Variants in SLC23A1 observed in about 807,000 individuals in gnomAD.
SLC23A1 encodes the protein solute carrier family 23 member 1.
In SLC23A1, 31 loss-of-function variants were observed where a neutral mutation model predicts 62.5. The ratio of observed to expected loss-of-function variants is 0.50; its 90% CI spans 0.37 to 0.67. SLC23A1 has a LOEUF of 0.67. Among genes scored for constraint, SLC23A1 ranks in the 30% least tolerant of loss-of-function variants. The pLI, the probability that SLC23A1 is intolerant of heterozygous loss-of-function variation, is 0.00. For synonymous variants in SLC23A1, 271 were observed against 313.2 expected (o/e 0.87, Z 1.42); for missense variants, 640 against 782.7 (o/e 0.82, Z 2.18).
chr5:139,370,742 AAGAGT>A (rs1757613337), intron 14 of SLC23A1, among the ~76,000 whole-genome samples: 3 of 151,792 alleles, frequency 2.0e-5, no homozygotes, highest in Non-Finnish European at 4.4e-5. Flanking sequence ...GATCGCCCTT[AAGAGT>A]AAAGATTCTT....
chr5:139,383,092 G>T, intron 1 of SLC23A1, 126 bp downstream of exon 1: 1 of 640,238 alleles, frequency 1.6e-6, no homozygotes. Flanking sequence ...CATTCAATTT[G>T]GGACAGTCAC....
At chr5:139,380,916 G>T in intron 3 of SLC23A1, 30 bp from the exon 4 acceptor site, 1 of 800,774 alleles carries the variant, frequency 1.2e-6, no homozygotes, top group Admixed American at 2.3e-5. Flanking sequence ...CAACAGGGGT[G>T]GGGAGGGGCG....
At chr5:139,376,311 A>G (rs1271457283) in intron 13 of SLC23A1, among the ~76,000 whole-genome samples, 1 of 151,782 alleles carries the variant, frequency 6.6e-6, no homozygotes, top group African/African-American at 2.4e-5. Context: ...CTGGGATTAC[A>G]GGCACACACC....
At chr5:139,368,809 C>A in intron 14 of SLC23A1, 1 of 1,596,618 alleles carries the variant, frequency 6.3e-7, no homozygotes, top group Non-Finnish European at 8.6e-7. Flanking sequence ...GTAGACGGGG[C>A]CCTCTTTTGG....
At position 139,378,952 on chromosome 5, in the gene SLC23A1, G is replaced by T. The variant is rs552246457; in HGVS notation, c.1073+255C>A. Among the ~76,000 whole-genome samples, 2 of 152,314 alleles carry T rather than the reference G, an allele frequency of 1.3e-5. No individual in the cohort carries two copies. Among genetic ancestry groups the T allele is most frequent in the African/African-American group, 4.8e-5 (2 of 41,562 alleles). On this transcript the variant is annotated intron_variant, in intron 9 of 14. Transcript: ENST00000348729. The surrounding 1 kb of genome is among the most constrained non-coding windows in gnomAD (Gnocchi z 4.5). ...AATGCTTCAAAGATTGCATAAGAAT[G>T]CACAGTCAGAGCCGGGCACATGGAG...
upstream of SLC23A1, chr5:139,384,404 G>C: frequency 3.9e-6 from 5 of 1,289,698 alleles, no homozygotes; most frequent in Non-Finnish European, 5.1e-6. Flanking sequence ...AAGGGCCAAG[G>C]GGCAGCACCG....
intron 12 of SLC23A1, among the ~76,000 whole-genome samples, chr5:139,377,736 G>T (rs572695303): frequency 1.3e-5 from 2 of 152,346 alleles, no homozygotes; most frequent in African/African-American, 4.8e-5. Flanking sequence ...ATGGAGAAAT[G>T]ATAAATGTAG....
At chr5:139,369,692 A>T (rs944862160) in intron 14 of SLC23A1, 2 of 152,630 alleles carry the variant, frequency 1.3e-5, no homozygotes, top group Non-Finnish European at 2.9e-5. Flanking sequence ...AAAAATATTT[A>T]AAAAAATAAA....
intron 1 of SLC23A1, 24 bp downstream of exon 1, chr5:139,383,194 G>GC (rs1188479764): frequency 1.0e-5 from 1 of 96,530 alleles, no homozygotes; most frequent in Non-Finnish European, 1.8e-5. Context: ...GCCCCCCCTA[G>GC]CCCCCACCCC....
At chr5:139,380,536 G>T (rs1758198817) in intron 5 of SLC23A1, 29 bp downstream of exon 5, 1 of 1,610,722 alleles carries the variant, frequency 6.2e-7, no homozygotes, top group African/African-American at 1.3e-5. Context: ...TCAGGACCCG[G>T]CCTCTTCTAT....
At chr5:139,384,424 T>A, upstream of SLC23A1, 1 of 1,289,790 alleles carries the variant, frequency 7.8e-7, no homozygotes. Flanking sequence ...GCTCTCCAGC[T>A]GGGCAGCAGC....
chr5:139,379,972 A>G lies in SLC23A1; in HGVS notation c.752T>C (p.Ile251Thr). 1 of 1,614,034 alleles carries G rather than the reference A, an allele frequency of 6.2e-7. No homozygotes were observed. Among genetic ancestry groups the G allele is most frequent in the Non-Finnish European group, 8.5e-7 (1 of 1,180,002 alleles). ...GKGLTLLRIQ[I>T]FKMFPIMLAI... Reference sequence around the variant, plus strand: ...GGTCCTCACAGGAAACATTTTGAAGATCTGGATGCGGAGGAGAGTGAGGCC... The same window carrying G: ...GGTCCTCACAGGAAACATTTTGAAGGTCTGGATGCGGAGGAGAGTGAGGCC... The change falls in exon 7 of 15, where the codon ATC (isoleucine) becomes ACC (threonine). Residue 251 changes from isoleucine to threonine, a missense_variant. Ile to Thr is a moderately conservative substitution (Grantham distance 89, BLOSUM62 -1). Transcript: ENST00000348729. This position sits in a 1 kb window ranked among gnomAD's most constrained non-coding sequence, Gnocchi z 4.7.
chr5:139,371,751 A>C (rs576860331), intron 14 of SLC23A1, among the ~76,000 whole-genome samples: 1 of 152,362 alleles, frequency 6.6e-6, no homozygotes, highest in African/African-American at 2.4e-5. Context: ...GCATTTCAGC[A>C]TACTTGTAGC....
At chr5:139,375,140 A>G (rs778127059) in intron 13 of SLC23A1, among the ~76,000 whole-genome samples, 98 of 152,170 alleles carry the variant, frequency 6.4e-4, no homozygotes, top group Non-Finnish European at 1.3e-3. Context: ...AGAGAGAGGG[A>G]GGCAGACAGG....
intron 13 of SLC23A1, among the ~76,000 whole-genome samples, chr5:139,375,057 A>G (rs914083091): frequency 6.6e-6 from 1 of 152,176 alleles, no homozygotes; most frequent in African/African-American, 2.4e-5. Flanking sequence ...TGTCCTCCCC[A>G]GCCCCAACCC....
chr5:139,378,626 C>T lies in SLC23A1; in HGVS notation c.1132G>A (p.Gly378Arg). The T allele has an allele frequency of 6.2e-7, 1 of 1,612,180 alleles. No homozygotes were observed. The highest frequency in any genetic ancestry group is 1.1e-5 in the South Asian group (1 of 90,558). The change falls in exon 10 of 15, where the codon GGG becomes AGG. Residue 378 changes from glycine to arginine, a missense_variant. Gly to Arg is a moderately radical substitution (Grantham distance 125). Coordinates refer to ENST00000348729, the MANE Select transcript of SLC23A1 (RefSeq NM_005847.5). The surrounding 1 kb of genome is among the most constrained non-coding windows in gnomAD (Gnocchi z 4.5). ...ATGTTGGGACTGGACGAGGTGGACC[C>T]GTTGCCCGTGCCCAATAGCCCCGCG... Reference protein sequence around the residue: ...IIAGLLGTGNGSTSSSPNIGV... With the variant: ...IIAGLLGTGNRSTSSSPNIGV...
At chr5:139,375,572 C>T (rs543124498) in intron 13 of SLC23A1, among the ~76,000 whole-genome samples, 67 of 152,206 alleles carry the variant, frequency 4.4e-4, no homozygotes, top group Non-Finnish European at 8.8e-4. Context: ...TGGTGGCTCA[C>T]GCCTGTAATC....
rs761789645 is a variant in SLC23A1 at position 139,379,174 on chromosome 5, G to A, written c.1073+33C>T. On this transcript the variant is annotated intron_variant, in intron 9 of 14. Coordinates refer to ENST00000348729, the MANE Select transcript of SLC23A1 (RefSeq NM_005847.5). This position sits in a 1 kb window ranked among gnomAD's most constrained non-coding sequence, Gnocchi z 4.7. ...GTGTGCTTCCTGGGTGGCGCCTGAG[G>A]AGATCAGATACTGAGGAGGGCAGGT... is the stretch of plus-strand genomic sequence containing the variant. 1.2e-5 allele frequency: 20 copies of A among 1,610,982 alleles called. No individual in the cohort carries two copies. The highest frequency in any genetic ancestry group is 3.3e-5 in the Admixed American group (2 of 59,942).
At chr5:139,382,167 A>G in intron 2 of SLC23A1, 118 bp from the exon 3 acceptor site, 1 of 1,002,718 alleles carries the variant, frequency 1.0e-6, no homozygotes, top group Non-Finnish European at 1.5e-6. Context: ...CCTGCCCAGG[A>G]CTGGCAGTCC....
Sources: gnomAD v4.1 joint callset for allele counts (sites outside exome capture counted in the v4.1 genomes callset) on GRCh38, gnomAD v4.1.1 for gene constraint, Gnocchi (gnomAD v3.1) non-coding constraint, MANE v1.5 for transcripts, NCBI Gene and HGNC (gene_info 2026-07-23, HGNC 2026-07-21) for gene names.